ZNRF3: variants seen among roughly 807,000 people sequenced by gnomAD.
ZNRF3 encodes zinc and ring finger 3, also known as E3 ubiquitin-protein ligase ZNRF3.
A neutral mutation model predicts 72.5 loss-of-function variants in ZNRF3; 23 were observed. The observed-to-expected ratio is 0.32, with a 90% CI of 0.23 to 0.45. The LOEUF is 0.45. ZNRF3 is among the 20% of genes least tolerant of loss of function. ZNRF3 has a pLI of 1.00. For missense variants in ZNRF3, 1,169 were observed against 1,272.1 expected, an observed-to-expected ratio of 0.92 and a Z score of 1.23; for synonymous variants, 610 against 545.3, an observed-to-expected ratio of 1.12 and a Z score of -1.65.
intron 1 of ZNRF3, among the ~76,000 whole-genome samples, chr22:28,887,902 A>T (rs1601525005): frequency 2.0e-5 from 3 of 152,318 alleles, no homozygotes; most frequent in Admixed American, 2.0e-4. Flanking sequence ...TGGTATGTGG[A>T]TTGGTTAAAC....
chr22:29,046,418 G>T (rs1187016124), intron 5 of ZNRF3, among the ~76,000 whole-genome samples: 2 of 152,198 alleles, frequency 1.3e-5, no homozygotes, highest in Admixed American at 6.5e-5. Flanking sequence ...ATAACTCGGG[G>T]TCTGGCAGAG....
chr22:28,966,193 G>A (rs2035455585), intron 1 of ZNRF3, among the ~76,000 whole-genome samples: 1 of 152,154 alleles, frequency 6.6e-6, no homozygotes, highest in African/African-American at 2.4e-5. Flanking sequence ...CTTGTCTAAC[G>A]AAAGGGGAAA....
intron 1 of ZNRF3, among the ~76,000 whole-genome samples, chr22:28,912,821 C>T (rs993251190): frequency 2.6e-5 from 4 of 152,072 alleles, no homozygotes; most frequent in Non-Finnish European, 4.4e-5. Flanking sequence ...CCCACCACCA[C>T]ACCCAGCTAA....
chr22:28,926,263 G>A (rs1316481775), intron 1 of ZNRF3, among the ~76,000 whole-genome samples: 2 of 152,232 alleles, frequency 1.3e-5, no homozygotes, highest in African/African-American at 4.8e-5. Context: ...TGCAGAGCAT[G>A]GAGCAAGCCA....
chr22:28,971,170 T>C (rs1276112400), intron 1 of ZNRF3, among the ~76,000 whole-genome samples: 1 of 151,856 alleles, frequency 6.6e-6, no homozygotes, highest in Non-Finnish European at 1.5e-5. Flanking sequence ...GCCTGGACAA[T>C]AGAGCAAGAC....
intron 1 of ZNRF3, among the ~76,000 whole-genome samples, chr22:28,965,391 A>T (rs769795986): frequency 2.0e-5 from 3 of 152,138 alleles, no homozygotes; most frequent in Non-Finnish European, 2.9e-5. Flanking sequence ...ACTACCTTTG[A>T]AGTAGATATT....
At chr22:29,031,897 C>G (rs1221891858) in intron 2 of ZNRF3, among the ~76,000 whole-genome samples, 1 of 152,234 alleles carries the variant, frequency 6.6e-6, no homozygotes, top group Admixed American at 6.5e-5. Context: ...GTTCCAGGCT[C>G]CGGCTTTAGA....
intron 2 of ZNRF3, chr22:29,031,673 G>A (rs1231341323): frequency 1.0e-5 from 10 of 974,702 alleles, no homozygotes; most frequent in South Asian, 4.7e-5. Flanking sequence ...AGAGGGAGGG[G>A]GATAACAGGA....
chr22:28,967,515 T>C (rs2035491314), intron 1 of ZNRF3, among the ~76,000 whole-genome samples: 1 of 152,224 alleles, frequency 6.6e-6, no homozygotes, highest in Non-Finnish European at 1.5e-5. Context: ...AAAGACTACC[T>C]TTGAATTGTT....
At chr22:28,968,312 A>G (rs1333251212) in intron 1 of ZNRF3, among the ~76,000 whole-genome samples, 1 of 152,146 alleles carries the variant, frequency 6.6e-6, no homozygotes, top group Non-Finnish European at 1.5e-5. Flanking sequence ...AAAAATATCC[A>G]TGTATTATTT....
intron 1 of ZNRF3, among the ~76,000 whole-genome samples, chr22:28,932,837 A>T (rs959472146): frequency 6.6e-6 from 1 of 152,254 alleles, no homozygotes; most frequent in African/African-American, 2.4e-5. Flanking sequence ...GAAGAGATTC[A>T]TCAGGAGCTC....
chr22:28,885,905 C>T (rs1162385892), intron 1 of ZNRF3, among the ~76,000 whole-genome samples: 1 of 150,144 alleles, frequency 6.7e-6, no homozygotes, highest in Non-Finnish European at 1.5e-5. Flanking sequence ...GCTTATCTAA[C>T]TCTTTTGTAG....
intron 1 of ZNRF3, among the ~76,000 whole-genome samples, chr22:28,893,793 C>T (rs576621006): frequency 2.0e-5 from 3 of 152,276 alleles, no homozygotes; most frequent in Admixed American, 6.5e-5. Flanking sequence ...CCACTGTGCC[C>T]GGCCTGCCTT....
At chr22:28,933,007 T>G (rs929485401) in intron 1 of ZNRF3, among the ~76,000 whole-genome samples, 1 of 152,240 alleles carries the variant, frequency 6.6e-6, no homozygotes, top group African/African-American at 2.4e-5. Context: ...ATTGCCAAGG[T>G]TTGTATTAGG....
chr22:29,014,204 A>G (rs1176804145), intron 2 of ZNRF3, among the ~76,000 whole-genome samples: 1 of 152,188 alleles, frequency 6.6e-6, no homozygotes, highest in Admixed American at 6.5e-5. Flanking sequence ...GTCCTCAGGA[A>G]GAGCTGAGAC....
intron 2 of ZNRF3, among the ~76,000 whole-genome samples, chr22:29,020,909 G>GC (rs1209039518): frequency 6.6e-6 from 1 of 151,866 alleles, no homozygotes; most frequent in Non-Finnish European, 1.5e-5. Flanking sequence ...CCATTCTCCT[G>GC]CCTCAGCCTC....
chr22:29,030,191 G>C lies in ZNRF3; in HGVS notation c.427-12304G>C, dbSNP rs118156940. Among the ~76,000 whole-genome samples the C allele has an allele frequency of 1.6e-3, 238 of 152,288 alleles. No homozygotes were observed. Among genetic ancestry groups the C allele is most frequent in the Non-Finnish European group, 2.8e-3 (191 of 68,032 alleles). On this transcript the variant is annotated intron_variant, in intron 2 of 8. Transcript: ENST00000544604. This position sits in a 1 kb window ranked among gnomAD's most constrained non-coding sequence, Gnocchi z 4.2. ...CCTTGTCAGGTGTTAAAACAAAGAG[G>C]ATCATTGTGTTTCTTGGAACTGGCC... is the stretch of plus-strand genomic sequence containing the variant.
intron 1 of ZNRF3, among the ~76,000 whole-genome samples, chr22:28,960,921 A>T (rs1384653786): frequency 6.6e-6 from 1 of 152,204 alleles, no homozygotes; most frequent in Non-Finnish European, 1.5e-5. Flanking sequence ...CTAGTGGCTC[A>T]CTTAACCACA....
chr22:28,998,154 C>G (rs1375557210), intron 2 of ZNRF3, among the ~76,000 whole-genome samples: 2 of 151,808 alleles, frequency 1.3e-5, no homozygotes, highest in Non-Finnish European at 2.9e-5. Context: ...CATAAATTAG[C>G]CGGGCATGGT....
Sources: gnomAD v4.1 joint callset for allele counts (sites outside exome capture counted in the v4.1 genomes callset) on GRCh38, gnomAD v4.1.1 for gene constraint, Gnocchi (gnomAD v3.1) non-coding constraint, MANE v1.5 for transcripts, NCBI Gene and HGNC (gene_info 2026-07-23, HGNC 2026-07-21) for gene names.